SLC9C1: variants seen among roughly 807,000 people sequenced by gnomAD.
SLC9C1 encodes the protein sodium/hydrogen exchanger 10.
A neutral mutation model predicts 140.9 loss-of-function variants in SLC9C1; 97 were observed. The ratio of observed to expected loss-of-function variants is 0.69; its 90% CI spans 0.58 to 0.82. SLC9C1 has a LOEUF of 0.82. Ranked by LOEUF, SLC9C1 falls within the 40% of genes least tolerant of loss-of-function variation. SLC9C1 has a pLI of 0.00. For missense variants in SLC9C1, 1,340 were observed against 1,389.3 expected, an observed-to-expected ratio of 0.96 and a Z score of 0.56; for synonymous variants, 440 against 442.6, an observed-to-expected ratio of 0.99 and a Z score of 0.07.
In SLC9C1 at chr3:112,155,066, A is replaced by AAC; in HGVS notation, c.3365-18_3365-17insGT. Reference sequence around the variant, plus strand: ...CAACTGAACCTGATTAAAAAAAAAAAAAACAGTGTTAATTCAACCACTGAA... The same window carrying AAC: ...CAACTGAACCTGATTAAAAAAAAAAAACAAACAGTGTTAATTCAACCACTGAA... On this transcript the variant is annotated splice_polypyrimidine_tract_variant and intron_variant, in intron 26 of 28. Transcript: ENST00000305815. The AAC allele has an allele frequency of 1.3e-6, 2 of 1,597,212 alleles. No homozygotes were observed. Among genetic ancestry groups the AAC allele is most frequent in the South Asian group, 1.1e-5 (1 of 89,080 alleles).
intron 15 of SLC9C1, among the ~76,000 whole-genome samples, chr3:112,210,437 AAC>A (rs2078170569): frequency 6.6e-6 from 1 of 152,236 alleles, no homozygotes; most frequent in Admixed American, 6.5e-5. Context: ...AGAAGCGAGA[AAC>A]ACAAGGCTAC....
At chr3:112,210,175 G>A (rs1464231011) in intron 15 of SLC9C1, among the ~76,000 whole-genome samples, 1 of 152,176 alleles carries the variant, frequency 6.6e-6, no homozygotes, top group African/African-American at 2.4e-5. Context: ...ATATGCCCTT[G>A]AGTAGAAAGC....
intron 1 of SLC9C1, 69 bp downstream of exon 1, chr3:112,294,024 A>C (rs1214036065): frequency 6.6e-6 from 1 of 152,190 alleles, no homozygotes; most frequent in Non-Finnish European, 1.5e-5. Context: ...AGGAGGCGAG[A>C]CTGAGAGAGA....
At chr3:112,247,817 T>G (rs2079332641) in intron 10 of SLC9C1, among the ~76,000 whole-genome samples, 1 of 152,066 alleles carries the variant, frequency 6.6e-6, no homozygotes, top group South Asian at 2.1e-4. Context: ...GGCCACATAC[T>G]GCATACATCT....
intron 11 of SLC9C1, among the ~76,000 whole-genome samples, chr3:112,241,000 A>C (rs576247399): frequency 2.8e-5 from 4 of 145,034 alleles, no homozygotes; most frequent in African/African-American, 7.4e-5. Context: ...GGATGGGGGC[A>C]GGTGGGGATG....
chr3:112,247,840 G>A (rs896791080), intron 10 of SLC9C1, among the ~76,000 whole-genome samples: 2 of 151,694 alleles, frequency 1.3e-5, no homozygotes, highest in Non-Finnish European at 2.9e-5. Context: ...CTCTGGAAGA[G>A]AAAATGTAAA....
chr3:112,236,549 C>A (rs1018513874), intron 12 of SLC9C1, among the ~76,000 whole-genome samples: 13 of 151,688 alleles, frequency 8.6e-5, no homozygotes, highest in Non-Finnish European at 1.5e-4. Context: ...TAGTTCTTTT[C>A]ATTGTGATGT....
chr3:112,257,706 T>A (rs1315734193), intron 10 of SLC9C1, among the ~76,000 whole-genome samples: 1 of 152,160 alleles, frequency 6.6e-6, no homozygotes, highest in Non-Finnish European at 1.5e-5. Context: ...AAAATTGATC[T>A]AATTAAACGT....
At chr3:112,230,572 A>G (rs1312212208) in intron 13 of SLC9C1, among the ~76,000 whole-genome samples, 1 of 152,172 alleles carries the variant, frequency 6.6e-6, no homozygotes, top group African/African-American at 2.4e-5. Flanking sequence ...TTTGAAACTC[A>G]ACTTGTCTGC....
intron 10 of SLC9C1, among the ~76,000 whole-genome samples, chr3:112,259,327 G>GA (rs990243628): frequency 4.1e-5 from 6 of 147,546 alleles, no homozygotes; most frequent in Admixed American, 1.4e-4. Context: ...GAGAGGATTG[G>GA]AAAAAAAATA....
At chr3:112,261,628 C>G (rs763386679) in intron 10 of SLC9C1, among the ~76,000 whole-genome samples, 69 of 151,976 alleles carry the variant, frequency 4.5e-4, no homozygotes, top group Non-Finnish European at 8.2e-4. Flanking sequence ...AAAAGGAGTT[C>G]TACTTTCTTC....
At chr3:112,228,459 G>A (rs1576392648) in intron 13 of SLC9C1, among the ~76,000 whole-genome samples, 1 of 152,024 alleles carries the variant, frequency 6.6e-6, no homozygotes, top group East Asian at 1.9e-4. Context: ...AACACTTCAA[G>A]TCATTGGACT....
At chr3:112,222,861 A>C (rs1343165251) in intron 13 of SLC9C1, among the ~76,000 whole-genome samples, 1 of 152,170 alleles carries the variant, frequency 6.6e-6, no homozygotes, top group East Asian at 1.9e-4. Flanking sequence ...TAATTTATTA[A>C]TTGCATAAAA....
chr3:112,200,872 T>A, intron 18 of SLC9C1, 110 bp from the exon 19 acceptor site: 3 of 969,096 alleles, frequency 3.1e-6, no homozygotes, highest in Non-Finnish European at 4.6e-6. Flanking sequence ...TTAAGAGAAG[T>A]AGGATGAAGA....
At chr3:112,283,768 A>C (rs574413275) in intron 2 of SLC9C1, among the ~76,000 whole-genome samples, 35 of 146,618 alleles carry the variant, frequency 2.4e-4, no homozygotes, top group African/African-American at 7.8e-4. Context: ...AATGTGGTTA[A>C]TATTTCCATG....
intron 23 of SLC9C1, among the ~76,000 whole-genome samples, chr3:112,177,745 GA>G (rs1275779546): frequency 1.4e-4 from 19 of 136,070 alleles, no homozygotes; most frequent in African/African-American, 4.9e-4. Context: ...AAATTAAATA[GA>G]AAAAAAATCA....
At chr3:112,280,308 A>G (rs1427483982) in intron 3 of SLC9C1, among the ~76,000 whole-genome samples, 1 of 152,210 alleles carries the variant, frequency 6.6e-6, no homozygotes, top group African/African-American at 2.4e-5. Flanking sequence ...TCAATATTAT[A>G]ATATTTTTGC....
intron 10 of SLC9C1, among the ~76,000 whole-genome samples, chr3:112,261,692 T>G (rs1039815050): frequency 1.3e-5 from 2 of 152,106 alleles, no homozygotes; most frequent in African/African-American, 4.8e-5. Flanking sequence ...CTTACTAAAA[T>G]TTTATTTTAA....
At chr3:112,174,223 C>T (rs950875277) in intron 23 of SLC9C1, among the ~76,000 whole-genome samples, 2 of 152,220 alleles carry the variant, frequency 1.3e-5, no homozygotes, top group Non-Finnish European at 2.9e-5. Flanking sequence ...GCATTGTCTT[C>T]CATTCTGTAA....
Sources: allele counts gnomAD v4.1 joint callset (sites outside exome capture counted in the v4.1 genomes callset), GRCh38; gene constraint gnomAD v4.1.1; transcripts MANE v1.5; gene names NCBI Gene and HGNC (gene_info 2026-07-23, HGNC 2026-07-21).